NUP155: variants seen among roughly 807,000 people sequenced by gnomAD.
The protein encoded by NUP155 is nuclear pore complex protein Nup155.
Under a neutral mutation model 180.4 loss-of-function variants are expected in NUP155, and 71 were observed. The ratio of observed to expected loss-of-function variants is 0.39; its 90% CI spans 0.33 to 0.48. The LOEUF is 0.48. Ranked by LOEUF, NUP155 falls within the 20% of genes least tolerant of loss-of-function variation. The pLI, the probability that NUP155 is intolerant of heterozygous loss-of-function variation, is 0.91. For synonymous variants in NUP155, 582 were observed against 559.5 expected (o/e 1.04, Z -0.57); for missense variants, 1,553 against 1,648.9 (o/e 0.94, Z 1.01).
At chr5:37,311,603 G>C (rs1387076995) in intron 22 of NUP155, among the ~76,000 whole-genome samples, 1 of 151,696 alleles carries the variant, frequency 6.6e-6, no homozygotes, top group African/African-American at 2.4e-5. Context: ...AATGGTATAC[G>C]AGAGTCAAAA....
intron 9 of NUP155, among the ~76,000 whole-genome samples, chr5:37,345,307 A>G (rs1360769767): frequency 6.6e-6 from 1 of 151,786 alleles, no homozygotes; most frequent in Non-Finnish European, 1.5e-5. Context: ...GGAGTTCAAG[A>G]CCAGCCTGGG....
At chr5:37,325,805 CT>C (rs1326334998) in intron 19 of NUP155, 95 bp downstream of exon 19, 1 of 645,626 alleles carries the variant, frequency 1.5e-6, no homozygotes, top group African/African-American at 1.9e-5. Context: ...CCTTTGCCAT[CT>C]TATTTGTGTA....
At position 37,329,152 on chromosome 5, in the gene NUP155, C is replaced by T. The variant is rs778932443; in HGVS notation, c.1813+38G>A. 1.1e-5 allele frequency: 17 copies of T among 1,484,930 alleles called. No homozygotes were observed. The Admixed American group carries it at 1.3e-4, about 12-fold the overall frequency. The allele number at this position is 1,484,930 out of a possible 1,614,324, so 92.0% of individuals were successfully genotyped here. ...TGCTATAAAGGTTCTAAGATTCAAACGATTAGAAACAATTTCATTTCAATG... is the reference window on the plus strand; with the variant it reads ...TGCTATAAAGGTTCTAAGATTCAAATGATTAGAAACAATTTCATTTCAATG... On this transcript the variant is annotated intron_variant, in intron 16 of 34. Transcript: ENST00000231498.
chr5:37,293,250 G>A (rs536468253), intron 33 of NUP155: 4 of 330,984 alleles, frequency 1.2e-5, no homozygotes, highest in South Asian at 3.6e-5. Context: ...TAAATGTCCC[G>A]CTTAGGAATC....
chr5:37,362,158 A>G (rs1747264846), intron 3 of NUP155, among the ~76,000 whole-genome samples: 1 of 152,216 alleles, frequency 6.6e-6, no homozygotes, highest in Non-Finnish European at 1.5e-5. Flanking sequence ...TGTTTGTTCC[A>G]TGAGGGCAGA....
chr5:37,336,725 T>C (rs1354803617), intron 12 of NUP155, among the ~76,000 whole-genome samples: 1 of 152,138 alleles, frequency 6.6e-6, no homozygotes, highest in Non-Finnish European at 1.5e-5. Flanking sequence ...AAGAAGGCAC[T>C]CCTTACCTCC....
chr5:37,349,438 C>T (rs1318497306), intron 7 of NUP155, among the ~76,000 whole-genome samples, 193 bp from the exon 8 acceptor site: 3 of 152,026 alleles, frequency 2.0e-5, no homozygotes, highest in Non-Finnish European at 4.4e-5. Flanking sequence ...TCAGACAACA[C>T]ATGAAAAAAA....
chr5:37,356,422 C>T (rs895422403), intron 4 of NUP155, among the ~76,000 whole-genome samples: 7 of 151,954 alleles, frequency 4.6e-5, no homozygotes, highest in African/African-American at 1.7e-4. Context: ...GTGGGAGGAT[C>T]ACCTGAGGTC....
chr5:37,353,538 C>G lies in NUP155; in HGVS notation c.464-709G>C, dbSNP rs111589666. ...CAGGGGTTGCAGTGAGCCGAGATCA[C>G]GCCATTACACCCCAGTCTGGACGAC... On this transcript the variant is annotated intron_variant, in intron 4 of 34. Coordinates refer to ENST00000231498, the MANE Select transcript of NUP155 (RefSeq NM_153485.3). 2.8e-3 allele frequency among the ~76,000 whole-genome samples: 430 copies of G among 152,008 alleles called. 2 individuals carry two copies. The highest frequency in any genetic ancestry group is 1.0e-2 in the African/African-American group (413 of 41,472).
rs1742405836 is a variant in NUP155 at position 37,294,397 on chromosome 5, T to C, written c.3862A>G (p.Thr1288Ala). The C allele has an allele frequency of 6.2e-6, 10 of 1,610,486 alleles. No homozygotes were observed. The highest frequency in any genetic ancestry group is 5.1e-6 in the Non-Finnish European group (6 of 1,176,744). Residue 1288 changes from threonine to alanine, a missense_variant, in exon 33 of 35, where the codon ACA becomes GCA. Physicochemically the swap from Thr to Ala is moderately conservative, Grantham distance 58 (BLOSUM62 0). Transcript: ENST00000231498. ...LNWDVGFVIQ[T>A]MNEIGVPLPR... ...AATGGTACTCCAATTTCATTCATTG[T>C]CTGTATTACGAAGCCCACATCCCAG...
chr5:37,296,580 A>C (rs1177746768), intron 32 of NUP155, among the ~76,000 whole-genome samples: 10 of 151,392 alleles, frequency 6.6e-5, no homozygotes. Flanking sequence ...TCTGCCTAGG[A>C]AAACCAGAGA....
In NUP155 at chr5:37,321,405, A is replaced by G. The variant is rs571587947; in HGVS notation, c.2207+2587T>C. Among the ~76,000 whole-genome samples the G allele has an allele frequency of 2.0e-5, 3 of 152,096 alleles. No homozygotes were observed. In the South Asian group the frequency reaches 6.2e-4, roughly 32 times the overall value. ...AACTAATTCCAATAAAATGGGAAGG[A>G]GGTAAATTCTCCTGCTTAAAAGATA... On this transcript the variant is annotated intron_variant, in intron 20 of 34. Coordinates refer to ENST00000231498, the MANE Select transcript of NUP155 (RefSeq NM_153485.3).
At chr5:37,304,445 C>T (rs78276878) in intron 27 of NUP155, among the ~76,000 whole-genome samples, 7,956 of 152,048 alleles carry the variant, frequency 0.052, 234 homozygotes, top group South Asian at 0.081. Context: ...TCTGAAGTCA[C>T]AGTGACTTAA....
intron 25 of NUP155, 95 bp downstream of exon 25, chr5:37,307,197 CAAAAA>C: frequency 3.2e-6 from 3 of 938,284 alleles, no homozygotes; most frequent in Non-Finnish European, 3.0e-6. Context: ...GACTCTGTCT[CAAAAA>C]AAAAAAAAAA....
chr5:37,317,563 A>G (rs551783438), intron 21 of NUP155, among the ~76,000 whole-genome samples: 8 of 152,264 alleles, frequency 5.3e-5, no homozygotes, highest in African/African-American at 1.9e-4. Context: ...TAAAAAAAAC[A>G]TAATGAAATA....
chr5:37,340,979 G>GT (rs1172735335), intron 11 of NUP155, 111 bp downstream of exon 11: 5 of 918,030 alleles, frequency 5.4e-6, no homozygotes, highest in Non-Finnish European at 1.7e-6. Context: ...CCTTCTAGTA[G>GT]TTCCCAGTTT....
chr5:37,304,798 A>G lies in NUP155; in HGVS notation c.3103T>C (p.Phe1035Leu). ...AGCCAATTATAAAGGGCAATACTAAAGAGCTCATCCTTGGATCGCTGTGAC... is the reference window on the plus strand; with the variant it reads ...AGCCAATTATAAAGGGCAATACTAAGGAGCTCATCCTTGGATCGCTGTGAC... The part of the protein sequence containing the change: ...KLSQRSKDEL[F>L]SIALYNWLIQ... The change falls in exon 27 of 35, where the codon TTT becomes CTT. Residue 1035 changes from phenylalanine (F) to leucine (L), a missense_variant. Coordinates refer to ENST00000231498, the MANE Select transcript of NUP155 (RefSeq NM_153485.3). 6.2e-7 allele frequency: 1 copy of G among 1,614,086 alleles called. No individual in the cohort carries two copies. Among genetic ancestry groups the G allele is most frequent in the East Asian group, 2.2e-5 (1 of 44,866 alleles).
In NUP155 at chr5:37,292,914, A is replaced by G. The variant is rs1366453665; in HGVS notation, c.4002T>C (p.Tyr1334=). The G allele has an allele frequency of 1.5e-5, 24 of 1,611,944 alleles. No individual in the cohort carries two copies. The highest frequency in any genetic ancestry group is 1.8e-5 in the Non-Finnish European group (21 of 1,178,510). The stretch of plus-strand genomic sequence containing the variant: ...TTAAAACTTGGCTGGGATTCTCAAC[A>G]TATCTTATCAATAATACATGTATAC... ...LDCIHVLLIR[Y]VENPSQVLNC... The change falls in exon 34 of 35, where the codon TAT becomes TAC. Residue 1334 remains tyrosine, a synonymous_variant. Transcript: ENST00000231498.
At chr5:37,358,304 CTG>C (rs1447736274) in intron 3 of NUP155, among the ~76,000 whole-genome samples, 153 bp from the exon 4 acceptor site, 1 of 152,066 alleles carries the variant, frequency 6.6e-6, no homozygotes, top group Non-Finnish European at 1.5e-5. Flanking sequence ...CATAGTGAGA[CTG>C]TCTCTACAAA....
Sources: allele counts gnomAD v4.1 joint callset (sites outside exome capture counted in the v4.1 genomes callset), GRCh38; gene constraint gnomAD v4.1.1; transcripts MANE v1.5; gene names NCBI Gene and HGNC (gene_info 2026-07-23, HGNC 2026-07-21).